DAPK3: variants seen among roughly 807,000 people sequenced by gnomAD.
DAPK3 encodes the protein death-associated protein kinase 3.
Under a neutral mutation model 30.6 loss-of-function variants are expected in DAPK3, and 24 were observed. The ratio of observed to expected loss-of-function variants is 0.78; its 90% CI spans 0.57 to 1.10. The LOEUF is 1.10. Among genes scored for constraint, DAPK3 ranks in the 50% least tolerant of loss-of-function variants. The probability of loss-of-function intolerance (pLI) is 0.00; values close to 1 mark genes in which losing one functional copy is unlikely to be tolerated. For missense variants in DAPK3, 629 were observed against 657.3 expected, an observed-to-expected ratio of 0.96 and a Z score of 0.47; for synonymous variants, 341 against 284.0, an observed-to-expected ratio of 1.20 and a Z score of -2.02.
intron 1 of DAPK3, chr19:3,970,571 C>T (rs2039623840): frequency 6.6e-6 from 1 of 152,422 alleles, no homozygotes; most frequent in South Asian, 2.0e-4. Flanking sequence ...TGAAAGCCCA[C>T]TTTGCCTCCC....
chr19:3,960,433 T>C (rs1164042189), intron 7 of DAPK3, among the ~76,000 whole-genome samples: 1 of 152,102 alleles, frequency 6.6e-6, no homozygotes, highest in African/African-American at 2.4e-5. Context: ...GAATTTTACA[T>C]GGATCCTTAC....
rs867155788 is a variant in DAPK3 at position 3,961,640 on chromosome 19, G to A, written c.630-479C>T. On this transcript the variant is annotated intron_variant, in intron 6 of 8. Coordinates refer to ENST00000545797, the MANE Select transcript of DAPK3 (RefSeq NM_001348.3). ...AGAGACACTGAAGCCCCGTCTGATCGTCTGATCGTGACAGCGCACGAGACT... is the reference window on the plus strand; with the variant it reads ...AGAGACACTGAAGCCCCGTCTGATCATCTGATCGTGACAGCGCACGAGACT... 8.0e-5 allele frequency: 33 copies of A among 411,068 alleles called. No homozygotes were observed. The Middle Eastern group carries it at 5.0e-3, about 62-fold the overall frequency. 25.5% of individuals were successfully genotyped at this position (411,068 alleles called of 1,614,324 possible).
intron 2 of DAPK3, among the ~76,000 whole-genome samples, chr19:3,967,097 G>A (rs888722102): frequency 3.9e-5 from 6 of 152,128 alleles, no homozygotes; most frequent in African/African-American, 9.7e-5. Context: ...ACCCAGACAC[G>A]ACCCAAGCGT....
chr19:3,967,188 C>T (rs926497008), intron 2 of DAPK3, among the ~76,000 whole-genome samples: 1 of 152,230 alleles, frequency 6.6e-6, no homozygotes, highest in African/African-American at 2.4e-5. Context: ...CAGTGGCTCA[C>T]GCCTGTAATC....
At chr19:3,961,206 C>G (rs2039507557) in intron 6 of DAPK3, 45 bp from the exon 7 acceptor site, 2 of 1,540,872 alleles carry the variant, frequency 1.3e-6, no homozygotes, top group African/African-American at 1.4e-5. Context: ...GGGCTCCCAC[C>G]ACGGCCGCGC....
chr19:3,959,383 C>T lies in DAPK3; in HGVS notation c.1083G>A (p.Glu361=), dbSNP rs759513536. Residue 361 remains glutamate (E), a synonymous_variant, in exon 9 of 9, where the codon GAG becomes GAA. Coordinates refer to ENST00000545797, the MANE Select transcript of DAPK3 (RefSeq NM_001348.3). The part of the protein sequence containing the change: ...EDVEALAAIY[E]EKEAWYREES... The stretch of plus-strand genomic sequence containing the variant: ...CCTCGCGGTACCAGGCCTCCTTCTC[C>T]TCGTAGATGGCGGCCAGCGCCTCCA... 1.9e-6 allele frequency: 3 copies of T among 1,575,890 alleles called. No individual in the cohort carries two copies. Among genetic ancestry groups the T allele is most frequent in the Admixed American group, 1.8e-5 (1 of 56,398 alleles).
intron 8 of DAPK3, 55 bp downstream of exon 8, chr19:3,960,004 C>T: frequency 1.0e-6 from 1 of 988,058 alleles, no homozygotes; most frequent in Non-Finnish European, 1.6e-6. Flanking sequence ...CCCCGGGACC[C>T]CAGCGAGAAG....
chr19:3,967,806 G>T (rs575102148), intron 2 of DAPK3, among the ~76,000 whole-genome samples: 23 of 152,214 alleles, frequency 1.5e-4, no homozygotes, highest in Admixed American at 3.3e-4. Context: ...TGCACTTCAT[G>T]TATCTCTGAG....
At chr19:3,961,244 G>A (rs905203388) in intron 6 of DAPK3, 83 bp from the exon 7 acceptor site, 3 of 1,158,044 alleles carry the variant, frequency 2.6e-6, no homozygotes. Flanking sequence ...ACGACAGGCG[G>A]AGCACAGAAG....
At chr19:3,961,846 C>T (rs753856185) in intron 6 of DAPK3, 6 of 218,802 alleles carry the variant, frequency 2.7e-5, no homozygotes, top group Non-Finnish European at 5.7e-5. Flanking sequence ...GTCTAACCAC[C>T]TCTGGCACTT....
chr19:3,969,584 A>T (rs1005076966), intron 2 of DAPK3, 90 bp downstream of exon 2: 38 of 852,884 alleles, frequency 4.5e-5, no homozygotes, highest in Admixed American at 4.2e-4. Flanking sequence ...CATACAGGAT[A>T]AAGAACAGGA....
intron 6 of DAPK3, 198 bp from the exon 7 acceptor site, chr19:3,961,359 C>G (rs541371212): frequency 3.0e-5 from 22 of 726,240 alleles, no homozygotes; most frequent in Middle Eastern, 2.4e-4. Flanking sequence ...TCCACCCCCC[C>G]ACCCCGCCAC....
Position 3,958,750 on chromosome 19 carries a change from C to CCCT in DAPK3, c.*348_*350dup, listed in dbSNP as rs1361615323. 1.5e-5 allele frequency: 6 copies of CCCT among 411,972 alleles called. No homozygotes were observed. The highest frequency in any genetic ancestry group is 2.8e-5 in the Non-Finnish European group (6 of 216,804). 25.5% of individuals were successfully genotyped at this position (411,972 alleles called of 1,614,324 possible). On this transcript the variant is annotated 3_prime_UTR_variant, in exon 9 of 9. Coordinates refer to ENST00000545797, the MANE Select transcript of DAPK3 (RefSeq NM_001348.3). Reference sequence around the variant, plus strand: ...AATTGTCCGTGCAACTACCCGCAAACCCTCCTCCGGGCCTGAACCAGGGCT... The same window carrying CCCT: ...AATTGTCCGTGCAACTACCCGCAAACCCTCCTCCTCCGGGCCTGAACCAGGGCT...
Position 3,959,044 on chromosome 19 carries a change from C to A in DAPK3, c.*57G>T. The A allele has an allele frequency of 1.6e-5, 18 of 1,142,710 alleles. No homozygotes were observed. In the South Asian group the frequency reaches 2.9e-4, roughly 18 times the overall value. 70.8% of individuals were successfully genotyped at this position (1,142,710 alleles called of 1,614,324 possible). A position where few individuals can be genotyped will look rare whatever the true frequency, so the allele number is the denominator to read the frequency against. ...TGGGAGGCGCAGCGTCCACAGGAAG[C>A]GCCCCCACCGCAGGCCGAGCTCCGG... On this transcript the variant is annotated 3_prime_UTR_variant, in exon 9 of 9. Transcript: ENST00000545797.
Position 3,959,183 on chromosome 19 carries a change from G to A in DAPK3, c.1283C>T (p.Ala428Val), listed in dbSNP as rs1461551356. ...NRYEALAKQV[A>V]SEMRFVQDLV... ...GTCCTGCACGAAGCGCATCTCGGAG[G>A]CTACTTGCTTGGCCAGCGCCTCGTA... The change falls in exon 9 of 9, where the codon GCC (alanine) becomes GTC (valine). Residue 428 changes from alanine (A) to valine (V), a missense_variant. Coordinates refer to ENST00000545797, the MANE Select transcript of DAPK3 (RefSeq NM_001348.3). The A allele has an allele frequency of 6.9e-6, 11 of 1,598,106 alleles. No individual in the cohort carries two copies. The highest frequency in any genetic ancestry group is 5.1e-5 in the Admixed American group (3 of 59,282).
chr19:3,967,983 T>C (rs928758171), intron 2 of DAPK3, among the ~76,000 whole-genome samples: 8 of 152,208 alleles, frequency 5.3e-5, no homozygotes, highest in African/African-American at 1.4e-4. Flanking sequence ...AATACTTTTT[T>C]TAAAATTATG....
chr19:3,964,568 T>TGCCCCCCCCCAACCCCC, intron 3 of DAPK3, 63 bp downstream of exon 3: 1 of 1,321,028 alleles, frequency 7.6e-7, no homozygotes, highest in Non-Finnish European at 1.0e-6. Flanking sequence ...TCCAGGCTCT[T>TGCCCCCCCCCAACCCCC]CCCCGCCCCA....
chr19:3,959,317 C>G lies in DAPK3; in HGVS notation c.1149G>C (p.Gln383His). The change falls in exon 9 of 9, where the codon CAG becomes CAC. Residue 383 changes from glutamine (Q) to histidine (H), a missense_variant. Coordinates refer to ENST00000545797, the MANE Select transcript of DAPK3 (RefSeq NM_001348.3). ...SLGQDLRRLR[Q>H]ELLKTEALKR... ...TGAGCGCCTCGGTCTTGAGCAGCTC[C>G]TGCCGTAGCCTCCGCAGGTCCTGGC... The G allele has an allele frequency of 6.3e-7, 1 of 1,594,120 alleles. No individual in the cohort carries two copies. The highest frequency in any genetic ancestry group is 8.5e-7 in the Non-Finnish European group (1 of 1,177,298).
rs1666078587 is a variant in DAPK3, at chr19:3,963,851, G to A, written c.602+20C>T. On this transcript the variant is annotated intron_variant, in intron 5 of 8. Transcript: ENST00000545797. ...TCCAGGAATGCAGGGAGGCCCGGTGGGAGCAGGTGGTACACTCACCACATG... is the reference window on the plus strand; with the variant it reads ...TCCAGGAATGCAGGGAGGCCCGGTGAGAGCAGGTGGTACACTCACCACATG... 2 of 1,539,324 alleles carry A rather than the reference G, an allele frequency of 1.3e-6. No homozygotes were observed. Among genetic ancestry groups the A allele is most frequent in the Non-Finnish European group, 1.8e-6 (2 of 1,115,962 alleles).
Sources: allele counts gnomAD v4.1 joint callset (sites outside exome capture counted in the v4.1 genomes callset), GRCh38; gene constraint gnomAD v4.1.1; transcripts MANE v1.5; gene names NCBI Gene and HGNC (gene_info 2026-07-23, HGNC 2026-07-21).